The following CCDC172 variants were observed in gnomAD, a reference collection of about 807,000 sequenced individuals.
CCDC172 encodes coiled-coil domain-containing protein 172.
In CCDC172, 30 loss-of-function variants were observed where a neutral mutation model predicts 38.0. The ratio of observed to expected loss-of-function variants is 0.79; its 90% CI spans 0.59 to 1.07. The LOEUF (loss-of-function observed/expected upper bound fraction) is 1.07, where lower values mean the gene tolerates loss of function less well. Ranked by LOEUF, CCDC172 falls within the 50% of genes least tolerant of loss-of-function variation. The probability of loss-of-function intolerance (pLI) is 0.00; values close to 1 mark genes in which losing one functional copy is unlikely to be tolerated. For synonymous variants in CCDC172, 78 were observed against 88.3 expected, an observed-to-expected ratio of 0.88 and a Z score of 0.66; for missense variants, 297 against 290.1, an observed-to-expected ratio of 1.02 and a Z score of -0.17.
At chr10:116,373,248 A>AAAAT (rs1845207296) in intron 7 of CCDC172, among the ~76,000 whole-genome samples, 1 of 152,118 alleles carries the variant, frequency 6.6e-6, no homozygotes, top group African/African-American at 2.4e-5. Context: ...TCTCTAATTA[A>AAAAT]AAATAAATAA....
intron 5 of CCDC172, among the ~76,000 whole-genome samples, chr10:116,355,169 C>G (rs1844979868): frequency 6.6e-6 from 1 of 152,118 alleles, no homozygotes; most frequent in South Asian, 2.1e-4. Context: ...CTCATTGACT[C>G]ACTCAAAGCA....
chr10:116,340,676 G>A (rs1199574868), intron 3 of CCDC172, 58 bp from the exon 4 acceptor site: 1 of 798,748 alleles, frequency 1.3e-6, no homozygotes, highest in South Asian at 1.5e-5. Context: ...GTTACCTAAG[G>A]TACTCTAAAA....
At chr10:116,332,945 G>T (rs560839776) in intron 3 of CCDC172, among the ~76,000 whole-genome samples, 5 of 151,892 alleles carry the variant, frequency 3.3e-5, no homozygotes, top group Non-Finnish European at 7.4e-5. Flanking sequence ...GTTATTTAAT[G>T]CTCTCTGCAA....
chr10:116,339,305 G>A (rs2134918387), intron 3 of CCDC172, among the ~76,000 whole-genome samples: 1 of 151,882 alleles, frequency 6.6e-6, no homozygotes, highest in African/African-American at 2.4e-5. Flanking sequence ...CCTTTGTTAA[G>A]GTGTTTAACT....
intron 7 of CCDC172, among the ~76,000 whole-genome samples, chr10:116,360,381 T>C (rs965670365): frequency 6.6e-6 from 1 of 152,162 alleles, no homozygotes; most frequent in Non-Finnish European, 1.5e-5. Flanking sequence ...GCACATAGTG[T>C]TCAATAAATA....
chr10:116,344,804 T>C (rs1168762010), intron 5 of CCDC172, among the ~76,000 whole-genome samples: 1 of 151,962 alleles, frequency 6.6e-6, no homozygotes, highest in Non-Finnish European at 1.5e-5. Flanking sequence ...AAAATTTTTT[T>C]CTTTGTATCC....
chr10:116,348,097 C>G (rs1348438190), intron 5 of CCDC172, among the ~76,000 whole-genome samples: 1 of 151,564 alleles, frequency 6.6e-6, no homozygotes, highest in Non-Finnish European at 1.5e-5. Context: ...TTTTCTTTCT[C>G]TGCTTGGAAA....
intron 3 of CCDC172, among the ~76,000 whole-genome samples, chr10:116,335,733 C>T (rs1254059820): frequency 1.3e-5 from 2 of 152,022 alleles, no homozygotes; most frequent in African/African-American, 4.8e-5. Flanking sequence ...TTTGCTGTCA[C>T]GAATGGGATA....
intron 7 of CCDC172, among the ~76,000 whole-genome samples, chr10:116,376,548 T>C (rs1845248211): frequency 6.6e-6 from 1 of 152,194 alleles, no homozygotes; most frequent in South Asian, 2.1e-4. Context: ...AATACAGGTA[T>C]AAAATAATTT....
intron 7 of CCDC172, among the ~76,000 whole-genome samples, chr10:116,359,458 A>C (rs1845038147): frequency 6.6e-6 from 1 of 152,162 alleles, no homozygotes; most frequent in African/African-American, 2.4e-5. Context: ...GGATTTCTCA[A>C]ACTTGGCCTT....
chr10:116,349,584 G>A (rs1844906959), intron 5 of CCDC172, among the ~76,000 whole-genome samples: 1 of 152,106 alleles, frequency 6.6e-6, no homozygotes, highest in Non-Finnish European at 1.5e-5. Context: ...TTTGATTCCT[G>A]TCTGTTTCTT....
chr10:116,339,663 A>G lies in CCDC172; in HGVS notation c.166-1071A>G, dbSNP rs542753345. ...TGAAGATATGGGCAGATGGGCTACG[A>G]TCTTATATAAATGTAAGATCATATT... On this transcript the variant is annotated intron_variant, in intron 3 of 8. Coordinates refer to ENST00000333254, the MANE Select transcript of CCDC172 (RefSeq NM_198515.3). 3.9e-5 allele frequency among the ~76,000 whole-genome samples: 6 copies of G among 152,062 alleles called. No individual in the cohort carries two copies. The South Asian group carries it at 1.2e-3, about 31-fold the overall frequency.
chr10:116,375,026 C>G (rs150725111), intron 7 of CCDC172, among the ~76,000 whole-genome samples: 2 of 152,086 alleles, frequency 1.3e-5, no homozygotes, highest in Non-Finnish European at 2.9e-5. Context: ...AATGGTATTT[C>G]CTTATGCTTT....
chr10:116,344,764 G>A (rs1844843806), intron 5 of CCDC172, among the ~76,000 whole-genome samples: 1 of 149,736 alleles, frequency 6.7e-6, no homozygotes, highest in Non-Finnish European at 1.5e-5. Flanking sequence ...ATAACACTTA[G>A]TTTAAAACAC....
At chr10:116,357,510 G>A in intron 6 of CCDC172, 29 bp downstream of exon 6, 1 of 1,467,148 alleles carries the variant, frequency 6.8e-7, no homozygotes, top group Non-Finnish European at 9.1e-7. Flanking sequence ...AGCTTATTTT[G>A]CTGATAAATA....
rs1845285616 is a variant in CCDC172, at chr10:116,379,423, T to C, written c.*65T>C. ...ATATCTGAGAATCAAATCTTTGTGA[T>C]AGATATATGAATGGTACCCGTTACA... On this transcript the variant is annotated 3_prime_UTR_variant, in exon 9 of 9. Transcript: ENST00000333254. The C allele has an allele frequency of 3.6e-6, 4 of 1,122,318 alleles. No individual in the cohort carries two copies. The highest frequency in any genetic ancestry group is 2.5e-5 in the East Asian group (1 of 40,002). The allele number at this position is 1,122,318 out of a possible 1,614,324, so 69.5% of individuals were successfully genotyped here.
chr10:116,359,978 A>G (rs564783780), intron 7 of CCDC172, among the ~76,000 whole-genome samples: 1 of 152,332 alleles, frequency 6.6e-6, no homozygotes, highest in Non-Finnish European at 1.5e-5. Context: ...TAAAGTTTGC[A>G]TTCACAATGG....
At chr10:116,365,257 T>C (rs1845109865) in intron 7 of CCDC172, among the ~76,000 whole-genome samples, 2 of 152,186 alleles carry the variant, frequency 1.3e-5, no homozygotes, top group East Asian at 1.9e-4. Context: ...ATATGCTAAA[T>C]AGGGAAGTAC....
chr10:116,355,147 A>G (rs1186463058), intron 5 of CCDC172, among the ~76,000 whole-genome samples: 3 of 152,206 alleles, frequency 2.0e-5, no homozygotes, highest in African/African-American at 7.2e-5. Context: ...GGGCCTATGC[A>G]TTCACTCACC....
Sources: allele counts gnomAD v4.1 joint callset (sites outside exome capture counted in the v4.1 genomes callset), GRCh38; gene constraint gnomAD v4.1.1; transcripts MANE v1.5; gene names NCBI Gene and HGNC (gene_info 2026-07-23, HGNC 2026-07-21).